The following CAMTA1 variants were observed in gnomAD, a reference collection of about 807,000 sequenced individuals.
The protein encoded by CAMTA1 is calmodulin-binding transcription activator 1.
Under a neutral mutation model 170.9 loss-of-function variants are expected in CAMTA1, and 27 were observed. The observed-to-expected ratio is 0.16, with a 90% CI of 0.12 to 0.22. CAMTA1 has a LOEUF of 0.22. Ranked by LOEUF, CAMTA1 falls within the 10% of genes least tolerant of loss-of-function variation. CAMTA1 has a pLI of 1.00. For missense variants in CAMTA1, 1,619 were observed against 2,217.2 expected (o/e 0.73, Z 5.42); for synonymous variants, 833 against 891.5 (o/e 0.93, Z 1.17).
chr1:6,985,200 T>A (rs1364513527), intron 3 of CAMTA1, among the ~76,000 whole-genome samples: 2 of 152,154 alleles, frequency 1.3e-5, no homozygotes, highest in African/African-American at 2.4e-5. Context: ...CCAGGCTGGC[T>A]GTAGGAAGAG....
At chr1:7,558,201 G>A (rs576703581) in intron 6 of CAMTA1, among the ~76,000 whole-genome samples, 1 of 152,322 alleles carries the variant, frequency 6.6e-6, no homozygotes, top group African/African-American at 2.4e-5. Context: ...CCTCGGGGCC[G>A]CATGGGGCCT....
chr1:7,730,158 C>T (rs2096720802), intron 11 of CAMTA1, among the ~76,000 whole-genome samples: 1 of 152,164 alleles, frequency 6.6e-6, no homozygotes, highest in Admixed American at 6.5e-5. Flanking sequence ...TAACTACTGT[C>T]CCCATTTAAG....
chr1:6,952,575 G>A (rs1273360953), intron 3 of CAMTA1, among the ~76,000 whole-genome samples: 1 of 151,950 alleles, frequency 6.6e-6, no homozygotes, highest in African/African-American at 2.4e-5. Flanking sequence ...TCTCACGCCT[G>A]TAATCCCAGC....
intron 6 of CAMTA1, among the ~76,000 whole-genome samples, chr1:7,636,788 A>G (rs1157145676): frequency 6.6e-6 from 1 of 152,086 alleles, no homozygotes; most frequent in African/African-American, 2.4e-5. Flanking sequence ...ACACAGGTCT[A>G]GGGAGGGCAC....
At chr1:7,135,316 A>G (rs1418631696) in intron 4 of CAMTA1, among the ~76,000 whole-genome samples, 1 of 152,188 alleles carries the variant, frequency 6.6e-6, no homozygotes, top group Non-Finnish European at 1.5e-5. Flanking sequence ...TGAACCTGGG[A>G]GGCAGAGGTT....
intron 1 of CAMTA1, among the ~76,000 whole-genome samples, chr1:6,789,740 G>A (rs780227312): frequency 6.7e-6 from 1 of 149,642 alleles, no homozygotes; most frequent in Non-Finnish European, 1.5e-5. Context: ...AGGGGGTGAT[G>A]TGACTTTGCT....
At chr1:6,812,143 T>C (rs1356601897) in intron 1 of CAMTA1, among the ~76,000 whole-genome samples, 2 of 152,214 alleles carry the variant, frequency 1.3e-5, no homozygotes, top group Admixed American at 1.3e-4. Context: ...GTACTTACTT[T>C]TTCTGCCCGC....
chr1:6,970,723 T>C lies in CAMTA1; in HGVS notation c.235-120581T>C, dbSNP rs1692374480. ...TTCAGGACGTATCATCCAGTCCTGG[T>C]GGGTCAGGACATTCTACTATAGCAA... On this transcript the variant is annotated intron_variant, in intron 3 of 22. Transcript: ENST00000303635. This position sits in a 1 kb window ranked among gnomAD's most constrained non-coding sequence, Gnocchi z 4.4. 6.6e-6 allele frequency among the ~76,000 whole-genome samples: 1 copy of C among 152,152 alleles called. No individual in the cohort carries two copies. Among genetic ancestry groups the C allele is most frequent in the East Asian group, 1.9e-4 (1 of 5,190 alleles).
chr1:6,814,345 C>G, intron 1 of CAMTA1, among the ~76,000 whole-genome samples: 1 of 152,210 alleles, frequency 6.6e-6, no homozygotes, highest in East Asian at 1.9e-4. Flanking sequence ...TTCCAGTCCC[C>G]CTTGGAATCG....
chr1:6,878,970 G>A (rs971483560), intron 3 of CAMTA1, among the ~76,000 whole-genome samples: 2 of 152,210 alleles, frequency 1.3e-5, no homozygotes, highest in African/African-American at 4.8e-5. Context: ...AACCAGTACT[G>A]AAGATGTTCA....
At chr1:6,897,422 C>T (rs61780891) in intron 3 of CAMTA1, among the ~76,000 whole-genome samples, 1 of 89,002 alleles carries the variant, frequency 1.1e-5, no homozygotes, top group African/African-American at 4.3e-5. Context: ...CATTGGTTTC[C>T]TAGTTAGTGC....
chr1:7,639,780 A>C (rs2095746151), intron 6 of CAMTA1, among the ~76,000 whole-genome samples: 1 of 152,082 alleles, frequency 6.6e-6, no homozygotes. Flanking sequence ...AAAGAAAAAA[A>C]AAAAAAGTGC....
chr1:7,392,351 G>C (rs1300056911), intron 5 of CAMTA1, among the ~76,000 whole-genome samples: 1 of 150,614 alleles, frequency 6.6e-6, no homozygotes, highest in African/African-American at 2.4e-5. Context: ...CACCTCCCAG[G>C]TTCAAGTGAT....
rs2095776350 is a variant in CAMTA1 at position 7,642,953 on chromosome 1, TGGTC to T, written c.664+2401_664+2404del. On this transcript the variant is annotated intron_variant, in intron 7 of 22. Transcript: ENST00000303635. This position sits in a 1 kb window ranked among gnomAD's most constrained non-coding sequence, Gnocchi z 6.3. ...TGGAGTCACTCCAGAGGGCTCAGCT[TGGTC>T]CTGCAGAAGCTGCCATGGCTGAGTG... 6.6e-6 allele frequency among the ~76,000 whole-genome samples: 1 copy of T among 152,050 alleles called. No homozygotes were observed. The highest frequency in any genetic ancestry group is 2.4e-5 in the African/African-American group (1 of 41,326).
intron 16 of CAMTA1, among the ~76,000 whole-genome samples, chr1:7,741,819 C>T (rs940977055): frequency 2.6e-5 from 4 of 151,772 alleles, no homozygotes; most frequent in South Asian, 2.1e-4. Context: ...TGCTTGAACC[C>T]TGGAGGTGGA....
At chr1:7,734,033 C>T (rs189434491) in intron 12 of CAMTA1, among the ~76,000 whole-genome samples, 7 of 152,246 alleles carry the variant, frequency 4.6e-5, no homozygotes, top group South Asian at 2.1e-4. Context: ...CTGCAGCCTC[C>T]GCCTCCGAGG....
At chr1:6,823,353 T>G (rs1411102957) in intron 2 of CAMTA1, among the ~76,000 whole-genome samples, 1 of 152,184 alleles carries the variant, frequency 6.6e-6, no homozygotes, top group East Asian at 1.9e-4. Context: ...TGAACTTTCT[T>G]TTAGTTGAAC....
At chr1:7,755,586 G>C in intron 21 of CAMTA1, 52 bp from the exon 22 acceptor site, 2 of 1,373,624 alleles carry the variant, frequency 1.5e-6, no homozygotes, top group Non-Finnish European at 2.1e-6. Flanking sequence ...TAAGATTTCT[G>C]TTGTGACCCT....
At chr1:7,706,174 C>T (rs533325765) in intron 11 of CAMTA1, among the ~76,000 whole-genome samples, 15 of 152,322 alleles carry the variant, frequency 9.8e-5, no homozygotes, top group African/African-American at 3.6e-4. Flanking sequence ...TTCTATTTTG[C>T]CCACTTTTAC....
Sources: allele counts gnomAD v4.1 joint callset (sites outside exome capture counted in the v4.1 genomes callset), GRCh38; gene constraint gnomAD v4.1.1; non-coding constraint Gnocchi (gnomAD v3.1); transcripts MANE v1.5; gene names NCBI Gene and HGNC (gene_info 2026-07-23, HGNC 2026-07-21).